Variants in RBFOX1 observed in about 807,000 individuals in gnomAD.
RBFOX1 encodes the protein RNA binding fox-1 homolog 1.
Under a neutral mutation model 57.7 loss-of-function variants are expected in RBFOX1, and 8 were observed. That is an observed-to-expected ratio of 0.14 (90% CI 0.08 to 0.25). The LOEUF is 0.25. RBFOX1 is among the 10% of genes least tolerant of loss of function. RBFOX1 has a pLI of 1.00. For missense variants in RBFOX1, 611 were observed against 548.5 expected, an observed-to-expected ratio of 1.11 and a Z score of -1.14; for synonymous variants, 326 against 222.4, an observed-to-expected ratio of 1.47 and a Z score of -4.15.
chr16:5,705,192 C>G (rs1418365569), intron 3 of RBFOX1, among the ~76,000 whole-genome samples: 1 of 152,206 alleles, frequency 6.6e-6, no homozygotes, highest in Non-Finnish European at 1.5e-5. Flanking sequence ...TATCTTCCAT[C>G]ATGCTTCATA....
chr16:6,165,161 A>G (rs1171737879), intron 1 of RBFOX1, among the ~76,000 whole-genome samples: 3 of 143,560 alleles, frequency 2.1e-5, no homozygotes, highest in Non-Finnish European at 1.6e-5. Flanking sequence ...AAGTGGGAGT[A>G]ATAGTATTAA....
At chr16:7,279,182 G>A (rs927393783) in intron 4 of RBFOX1, among the ~76,000 whole-genome samples, 1 of 149,950 alleles carries the variant, frequency 6.7e-6, no homozygotes, top group Non-Finnish European at 1.5e-5. Context: ...CCCATGCTGA[G>A]TGCCTACCCT....
intron 1 of RBFOX1, among the ~76,000 whole-genome samples, chr16:6,314,575 T>C (rs1036649434): frequency 3.9e-5 from 6 of 152,154 alleles, no homozygotes; most frequent in African/African-American, 1.4e-4. Flanking sequence ...GCTAAAGGAA[T>C]ACTAGTGCAC....
At chr16:6,459,284 C>G (rs1021572016) in intron 2 of RBFOX1, among the ~76,000 whole-genome samples, 1 of 151,940 alleles carries the variant, frequency 6.6e-6, no homozygotes, top group Non-Finnish European at 1.5e-5. Context: ...TGCAGTGAGC[C>G]GAGATGGCGC....
chr16:6,951,809 C>A lies in RBFOX1; in HGVS notation c.-15-100248C>A, dbSNP rs138542044. 5.0e-3 allele frequency among the ~76,000 whole-genome samples: 767 copies of A among 152,304 alleles called. 15 individuals carry two copies. The highest frequency in any genetic ancestry group is 0.018 in the African/African-American group (735 of 41,578). On this transcript the variant is annotated intron_variant, in intron 3 of 15. Coordinates refer to ENST00000550418, the MANE Select transcript of RBFOX1 (RefSeq NM_018723.4). Reference sequence around the variant, plus strand: ...AGTGCAGTGGCATAATCCAGGCTCACTGCAACCTCCGCCTCCTGGGTTCAA... The same window carrying A: ...AGTGCAGTGGCATAATCCAGGCTCAATGCAACCTCCGCCTCCTGGGTTCAA...
At chr16:6,215,490 G>C (rs1434374415) in intron 1 of RBFOX1, among the ~76,000 whole-genome samples, 6 of 151,522 alleles carry the variant, frequency 4.0e-5, no homozygotes, top group Non-Finnish European at 8.9e-5. Context: ...GAAGGAGACA[G>C]AGTGTGCATG....
chr16:7,236,426 C>T (rs975797929), intron 4 of RBFOX1, among the ~76,000 whole-genome samples: 5 of 152,122 alleles, frequency 3.3e-5, no homozygotes, highest in Admixed American at 6.5e-5. Flanking sequence ...CAACATCTGG[C>T]CTTCAGTTCT....
chr16:7,312,991 C>G (rs959372333), intron 4 of RBFOX1, among the ~76,000 whole-genome samples: 9 of 152,034 alleles, frequency 5.9e-5, no homozygotes, highest in African/African-American at 1.9e-4. Flanking sequence ...ACCGGGGAAG[C>G]TGACACGTGC....
chr16:7,034,147 A>G (rs1013793489), intron 3 of RBFOX1, among the ~76,000 whole-genome samples: 1 of 152,042 alleles, frequency 6.6e-6, no homozygotes, highest in Admixed American at 6.5e-5. Flanking sequence ...AGTGATTCTC[A>G]TTGCTGGTTC....
At chr16:7,602,761 T>C (rs1166875086) in intron 9 of RBFOX1, among the ~76,000 whole-genome samples, 1 of 152,186 alleles carries the variant, frequency 6.6e-6, no homozygotes, top group Non-Finnish European at 1.5e-5. Context: ...CAGAATACCT[T>C]TTCCAACAGC....
At chr16:6,485,906 A>G (rs1196394465) in intron 2 of RBFOX1, among the ~76,000 whole-genome samples, 1 of 152,122 alleles carries the variant, frequency 6.6e-6, no homozygotes. Context: ...AGAAATAACT[A>G]TCAGTGCTGA....
intron 3 of RBFOX1, among the ~76,000 whole-genome samples, chr16:5,856,227 ATG>A (rs1459418975): frequency 0.015 from 816 of 55,056 alleles, 50 homozygotes; most frequent in Middle Eastern, 0.025. Context: ...GTATATATAT[ATG>A]TATATATATG....
chr16:5,565,347 C>T (rs560915880), intron 2 of RBFOX1, among the ~76,000 whole-genome samples: 13 of 152,074 alleles, frequency 8.5e-5, no homozygotes, highest in Admixed American at 1.3e-4. Flanking sequence ...AAGTCATGGC[C>T]GGGCGCAGTG....
intron 4 of RBFOX1, among the ~76,000 whole-genome samples, chr16:7,445,324 A>T (rs943542373): frequency 1.3e-5 from 2 of 152,180 alleles, no homozygotes; most frequent in Admixed American, 6.5e-5. Context: ...CTTCTGAACA[A>T]TAGCACTCCC....
chr16:7,676,337 A>G (rs758347489), intron 13 of RBFOX1, among the ~76,000 whole-genome samples: 2 of 152,240 alleles, frequency 1.3e-5, no homozygotes, highest in Non-Finnish European at 2.9e-5. Flanking sequence ...AAAGACAGGA[A>G]AGCATTCACT....
chr16:6,740,721 C>T (rs976750452), intron 3 of RBFOX1, among the ~76,000 whole-genome samples: 2 of 152,106 alleles, frequency 1.3e-5, no homozygotes, highest in Non-Finnish European at 2.9e-5. Context: ...AAAAGGCCAA[C>T]ATGTAAATAG....
chr16:7,511,499 C>T (rs1394549154), intron 4 of RBFOX1, among the ~76,000 whole-genome samples: 1 of 152,186 alleles, frequency 6.6e-6, no homozygotes, highest in Admixed American at 6.5e-5. Flanking sequence ...GAGTGGCCCT[C>T]TTATTGCATG....
At chr16:6,081,632 C>T (rs1336748546) in intron 1 of RBFOX1, among the ~76,000 whole-genome samples, 1 of 152,114 alleles carries the variant, frequency 6.6e-6, no homozygotes, top group Non-Finnish European at 1.5e-5. Flanking sequence ...ACCTGGGGTT[C>T]CTAGCTTCAT....
chr16:6,562,856 C>A (rs796424670), intron 2 of RBFOX1, among the ~76,000 whole-genome samples: 1 of 50,316 alleles, frequency 2.0e-5, no homozygotes, highest in African/African-American at 1.1e-4. Context: ...TTCTTTCTTT[C>A]TTTCTTTCTT....
Sources: allele counts gnomAD v4.1 joint callset (sites outside exome capture counted in the v4.1 genomes callset), GRCh38; gene constraint gnomAD v4.1.1; transcripts MANE v1.5; gene names NCBI Gene and HGNC (gene_info 2026-07-23, HGNC 2026-07-21).